The following TIAM2 variants were observed in gnomAD, a reference collection of about 807,000 sequenced individuals.
TIAM2 encodes the protein rho guanine nucleotide exchange factor TIAM2.
In TIAM2, 80 loss-of-function variants were observed where a neutral mutation model predicts 152.9. That is an observed-to-expected ratio of 0.52 (90% CI 0.44 to 0.63). The LOEUF (loss-of-function observed/expected upper bound fraction) is 0.63. TIAM2 is among the 30% of genes least tolerant of loss of function. The pLI, the probability that TIAM2 is intolerant of heterozygous loss-of-function variation, is 0.00. For missense variants in TIAM2, 1,965 were observed against 2,120.1 expected (o/e 0.93, Z 1.44); for synonymous variants, 804 against 838.0 (o/e 0.96, Z 0.70).
chr6:155,074,180 TGAAAA>T (rs1335783565), intron 1 of TIAM2, among the ~76,000 whole-genome samples: 1 of 152,184 alleles, frequency 6.6e-6, no homozygotes, highest in Non-Finnish European at 1.5e-5. Context: ...AGGGATCTAA[TGAAAA>T]GAAAATTCCT....
At chr6:155,097,090 C>A (rs1385491688) in intron 2 of TIAM2, among the ~76,000 whole-genome samples, 2 of 152,132 alleles carry the variant, frequency 1.3e-5, no homozygotes, top group East Asian at 1.9e-4. Flanking sequence ...ATTTGCATTT[C>A]TCTGATGATT....
chr6:155,242,292 A>G (rs563615669), intron 16 of TIAM2, among the ~76,000 whole-genome samples: 3 of 152,352 alleles, frequency 2.0e-5, no homozygotes, highest in African/African-American at 4.8e-5. Flanking sequence ...TGATTCACAC[A>G]CACACCACCG....
intron 1 of TIAM2, among the ~76,000 whole-genome samples, chr6:155,004,573 T>C (rs976449382): frequency 5.3e-5 from 8 of 152,006 alleles, no homozygotes; most frequent in African/African-American, 1.9e-4. Context: ...TTTTTGTACT[T>C]TTAGTAGAGA....
intron 9 of TIAM2, among the ~76,000 whole-genome samples, chr6:155,173,600 T>C (rs1780688719): frequency 6.6e-6 from 1 of 152,214 alleles, no homozygotes; most frequent in Non-Finnish European, 1.5e-5. Context: ...CTTCTGCCTG[T>C]AATATGACTG....
At chr6:155,070,436 C>T (rs550803250) in intron 1 of TIAM2, among the ~76,000 whole-genome samples, 24 of 151,358 alleles carry the variant, frequency 1.6e-4, no homozygotes, top group African/African-American at 5.1e-4. Context: ...AGGCTGGTCT[C>T]AAACTTCTCA....
chr6:155,067,976 C>T (rs1297948863), intron 1 of TIAM2, among the ~76,000 whole-genome samples: 3 of 152,116 alleles, frequency 2.0e-5, no homozygotes, highest in African/African-American at 7.2e-5. Context: ...TTTTCTTTTC[C>T]ACCCAACCAC....
chr6:155,021,781 A>G (rs1176677725), intron 1 of TIAM2, among the ~76,000 whole-genome samples: 1 of 152,134 alleles, frequency 6.6e-6, no homozygotes, highest in Non-Finnish European at 1.5e-5. Flanking sequence ...TGTTACTGTC[A>G]AAGGTAGGAC....
chr6:155,048,609 G>A (rs1323763870), intron 1 of TIAM2, among the ~76,000 whole-genome samples: 2 of 152,154 alleles, frequency 1.3e-5, no homozygotes, highest in African/African-American at 4.8e-5. Context: ...GCCTAGAGTG[G>A]CAGGCCTGGT....
chr6:155,096,058 TA>T (rs1486652018), intron 2 of TIAM2, among the ~76,000 whole-genome samples: 1 of 152,202 alleles, frequency 6.6e-6, no homozygotes, highest in Admixed American at 6.5e-5. Flanking sequence ...ATCATTTACA[TA>T]AAAGTATTAT....
At chr6:155,046,895 T>C (rs1316159770) in intron 1 of TIAM2, among the ~76,000 whole-genome samples, 1 of 152,130 alleles carries the variant, frequency 6.6e-6, no homozygotes, top group African/African-American at 2.4e-5. Flanking sequence ...GGAAGCTCAG[T>C]GTGAGATGAG....
Position 155,129,071 on chromosome 6 carries a change from A to G in TIAM2, c.-6-147A>G, listed in dbSNP as rs1779369960. 1 of 682,834 alleles carries G rather than the reference A, an allele frequency of 1.5e-6. No individual in the cohort carries two copies. Among genetic ancestry groups the G allele is most frequent in the Non-Finnish European group, 2.4e-6 (1 of 412,184 alleles). 42.3% of individuals were successfully genotyped at this position (682,834 alleles called of 1,614,324 possible). On this transcript the variant is annotated intron_variant, in intron 3 of 26. Coordinates refer to ENST00000682666, the MANE Select transcript of TIAM2 (RefSeq NM_012454.4). This position sits in a 1 kb window ranked among gnomAD's most constrained non-coding sequence, Gnocchi z 4.8. ...TTGCAAAATAAGGAGAGCCTGTTCT[A>G]CTGACTGACTCTTGTCCCTACTCCT...
chr6:155,031,845 C>G (rs1431526576), intron 1 of TIAM2, among the ~76,000 whole-genome samples: 7 of 152,156 alleles, frequency 4.6e-5, no homozygotes, highest in Non-Finnish European at 1.0e-4. Context: ...AATTATCTTA[C>G]TTGCTTTTCT....
At position 155,032,896 on chromosome 6, in the gene TIAM2, A is replaced by G. The variant is rs147957634; in HGVS notation, c.-209+37404A>G. ...GTATATAGAGCAAAGGAATACTCCAAAGGAATTTGGGGTATATAAAAGAAT... is the reference window on the plus strand; with the variant it reads ...GTATATAGAGCAAAGGAATACTCCAGAGGAATTTGGGGTATATAAAAGAAT... On this transcript the variant is annotated intron_variant, in intron 1 of 26. Transcript: ENST00000682666. Among the ~76,000 whole-genome samples the G allele has an allele frequency of 4.8e-4, 73 of 152,262 alleles. 1 individual carries two copies. The highest frequency in any genetic ancestry group is 1.5e-3 in the African/African-American group (61 of 41,550).
At chr6:155,072,907 C>T (rs916749325) in intron 1 of TIAM2, among the ~76,000 whole-genome samples, 1 of 152,012 alleles carries the variant, frequency 6.6e-6, no homozygotes, top group Non-Finnish European at 1.5e-5. Context: ...GAAGTTGCAT[C>T]GAGGGTTCGT....
intron 15 of TIAM2, among the ~76,000 whole-genome samples, chr6:155,221,110 GTT>G (rs35638764): frequency 0.85 from 84,453 of 98,968 alleles, 35,079 homozygotes; most frequent in East Asian, 0.91. Flanking sequence ...CTTTCATCTT[GTT>G]TTTTTTTTTT....
chr6:155,083,471 G>A (rs1478958704), intron 1 of TIAM2, among the ~76,000 whole-genome samples: 2 of 152,040 alleles, frequency 1.3e-5, no homozygotes, highest in Non-Finnish European at 2.9e-5. Flanking sequence ...TCCTGGCCCC[G>A]TGCAGCTTTA....
intron 15 of TIAM2, among the ~76,000 whole-genome samples, chr6:155,220,737 T>C (rs561143768): frequency 6.6e-6 from 1 of 152,344 alleles, no homozygotes; most frequent in East Asian, 1.9e-4. Flanking sequence ...CTTGAAGTTA[T>C]AGAAAATAAT....
intron 14 of TIAM2, among the ~76,000 whole-genome samples, chr6:155,184,741 G>A (rs1026343397): frequency 6.6e-5 from 10 of 152,122 alleles, no homozygotes; most frequent in Non-Finnish European, 5.9e-5. Flanking sequence ...AAATCAGATG[G>A]TAAGATTTGC....
intron 1 of TIAM2, among the ~76,000 whole-genome samples, chr6:155,038,648 C>G (rs973817892): frequency 6.6e-6 from 1 of 152,110 alleles, no homozygotes; most frequent in Non-Finnish European, 1.5e-5. Flanking sequence ...GAAGAGTAGG[C>G]CTGGCTGGGT....
Sources: gnomAD v4.1 joint callset for allele counts (sites outside exome capture counted in the v4.1 genomes callset) on GRCh38, gnomAD v4.1.1 for gene constraint, Gnocchi (gnomAD v3.1) non-coding constraint, MANE v1.5 for transcripts, NCBI Gene and HGNC (gene_info 2026-07-23, HGNC 2026-07-21) for gene names.